NTNG1: variants seen among roughly 807,000 people sequenced by gnomAD.
NTNG1 encodes netrin-G1.
In NTNG1, 16 loss-of-function variants were observed where a neutral mutation model predicts 54.0. The ratio of observed to expected loss-of-function variants is 0.30; its 90% CI spans 0.20 to 0.45. The LOEUF is 0.45. NTNG1 is among the 20% of genes least tolerant of loss of function. NTNG1 has a pLI of 1.00. For missense variants in NTNG1, 530 were observed against 678.7 expected (o/e 0.78, Z 2.43); for synonymous variants, 255 against 263.1 (o/e 0.97, Z 0.30).
At chr1:107,470,028 T>C (rs542333005) in intron 7 of NTNG1, among the ~76,000 whole-genome samples, 9 of 152,176 alleles carry the variant, frequency 5.9e-5, no homozygotes, top group Admixed American at 1.3e-4. Flanking sequence ...TGGTCATCCG[T>C]TGGGTTGCAG....
intron 2 of NTNG1, among the ~76,000 whole-genome samples, chr1:107,301,226 C>T (rs1666292286): frequency 6.6e-6 from 1 of 152,136 alleles, no homozygotes; most frequent in Non-Finnish European, 1.5e-5. Context: ...CATACATTTA[C>T]ATTATCTTTA....
intron 2 of NTNG1, among the ~76,000 whole-genome samples, chr1:107,199,972 T>A (rs575467675): frequency 6.6e-6 from 1 of 152,044 alleles, no homozygotes; most frequent in South Asian, 2.1e-4. Flanking sequence ...TTATCTAGAA[T>A]CTTTCAGCAC....
chr1:107,333,709 T>G (rs1668413166), intron 3 of NTNG1, among the ~76,000 whole-genome samples: 1 of 151,930 alleles, frequency 6.6e-6, no homozygotes, highest in Non-Finnish European at 1.5e-5. Flanking sequence ...AACAGATTGA[T>G]TTTTCAAAGC....
At chr1:107,473,001 C>A (rs1571039488) in intron 7 of NTNG1, among the ~76,000 whole-genome samples, 1 of 152,100 alleles carries the variant, frequency 6.6e-6, no homozygotes, top group Non-Finnish European at 1.5e-5. Context: ...AGCCCACATA[C>A]CTTTGTTATT....
chr1:107,387,164 T>C (rs1269701563), intron 3 of NTNG1, among the ~76,000 whole-genome samples: 3 of 152,218 alleles, frequency 2.0e-5, no homozygotes, highest in Non-Finnish European at 2.9e-5. Flanking sequence ...TTTTAAACAG[T>C]AAGTGCAACC....
intron 3 of NTNG1, among the ~76,000 whole-genome samples, chr1:107,357,517 A>C (rs1038821083): frequency 6.6e-6 from 1 of 152,220 alleles, no homozygotes; most frequent in South Asian, 2.1e-4. Context: ...CAGACATTTC[A>C]TAGTTCCTTA....
rs753926757 is a variant in NTNG1 at position 107,430,763 on chromosome 1, C to T, written c.1101C>T (p.Phe367=). The T allele has an allele frequency of 2.3e-5, 37 of 1,613,064 alleles. No homozygotes were observed. Among genetic ancestry groups the T allele is most frequent in the Admixed American group, 3.3e-5 (2 of 59,872 alleles). Residue 367 remains phenylalanine (F), a synonymous_variant, in exon 6 of 8, where the codon TTC becomes TTT. Coordinates refer to ENST00000370068, the MANE Select transcript of NTNG1 (RefSeq NM_001113226.3). ...SISSIGNCEC[F]GHSNRCSYID... is the part of the protein sequence containing the mutation. ...CTTCCTTGCAAGATTGTGAATGCTT[C>T]GGCCACTCCAATCGATGCAGTTATA...
chr1:107,140,455 C>G (rs1324696523), upstream of NTNG1, among the ~76,000 whole-genome samples: 1 of 152,048 alleles, frequency 6.6e-6, no homozygotes, highest in Non-Finnish European at 1.5e-5. Context: ...GAGCCGCAAT[C>G]CAGAAGCGTC....
At chr1:107,290,403 G>C (rs973401643) in intron 2 of NTNG1, among the ~76,000 whole-genome samples, 1 of 152,136 alleles carries the variant, frequency 6.6e-6, no homozygotes, top group African/African-American at 2.4e-5. Context: ...TTCCTGAAGT[G>C]ACAGCTGAAA....
chr1:107,178,778 C>T (rs1317067713), intron 2 of NTNG1, among the ~76,000 whole-genome samples: 1 of 152,166 alleles, frequency 6.6e-6, no homozygotes, highest in Non-Finnish European at 1.5e-5. Context: ...TGTTCTCTTG[C>T]ATTAAGTTTC....
chr1:107,320,622 T>C (rs1400121755), intron 2 of NTNG1, among the ~76,000 whole-genome samples: 10 of 151,952 alleles, frequency 6.6e-5, no homozygotes, highest in South Asian at 4.2e-4. Context: ...AGCTTTTTCT[T>C]TGGGGAAGGA....
intron 3 of NTNG1, chr1:107,330,856 G>C (rs1668233333): frequency 2.0e-5 from 3 of 151,948 alleles, no homozygotes; most frequent in Non-Finnish European, 4.4e-5. Context: ...AGAATCCTGT[G>C]GAATACTACT....
At chr1:107,248,505 G>A (rs903364718) in intron 2 of NTNG1, among the ~76,000 whole-genome samples, 1 of 152,124 alleles carries the variant, frequency 6.6e-6, no homozygotes, top group African/African-American at 2.4e-5. Flanking sequence ...AAGGAACTAA[G>A]ATTACCTAGC....
At chr1:107,188,720 A>G (rs1657660671) in intron 2 of NTNG1, among the ~76,000 whole-genome samples, 1 of 152,064 alleles carries the variant, frequency 6.6e-6, no homozygotes, top group Non-Finnish European at 1.5e-5. Context: ...CCATTGGTTA[A>G]TGGACCCAGA....
At chr1:107,233,430 A>G (rs1661196554) in intron 2 of NTNG1, among the ~76,000 whole-genome samples, 1 of 152,216 alleles carries the variant, frequency 6.6e-6, no homozygotes, top group African/African-American at 2.4e-5. Context: ...TCTTTCAGTA[A>G]ACAACCTTGA....
chr1:107,313,568 A>G (rs555131707), intron 2 of NTNG1, among the ~76,000 whole-genome samples: 1 of 152,290 alleles, frequency 6.6e-6, no homozygotes, highest in South Asian at 2.1e-4. Context: ...CTTTATGTAG[A>G]GCTAGGAGGG....
chr1:107,219,011 T>G (rs1660158524), intron 2 of NTNG1, among the ~76,000 whole-genome samples: 1 of 152,212 alleles, frequency 6.6e-6, no homozygotes, highest in Non-Finnish European at 1.5e-5. Context: ...GGAAAAACTC[T>G]GACTTTTAGA....
intron 3 of NTNG1, among the ~76,000 whole-genome samples, chr1:107,387,019 G>A (rs7554530): frequency 0.16 from 23,944 of 152,026 alleles, 1,969 homozygotes; most frequent in African/African-American, 0.19. Flanking sequence ...GCATTTCTTC[G>A]TGTGCTTATT....
At chr1:107,381,033 T>G (rs1671611116) in intron 3 of NTNG1, among the ~76,000 whole-genome samples, 1 of 152,156 alleles carries the variant, frequency 6.6e-6, no homozygotes. Context: ...TAGTAAAAAC[T>G]TAACCACAGG....
Sources: allele counts gnomAD v4.1 joint callset (sites outside exome capture counted in the v4.1 genomes callset), GRCh38; gene constraint gnomAD v4.1.1; transcripts MANE v1.5; gene names NCBI Gene and HGNC (gene_info 2026-07-23, HGNC 2026-07-21).